Variants in CSMD3 observed in about 807,000 individuals in gnomAD.
The protein encoded by CSMD3 is CUB and sushi domain-containing protein 3.
A neutral mutation model predicts 435.2 loss-of-function variants in CSMD3; 177 were observed. That is an observed-to-expected ratio of 0.41 (90% CI 0.36 to 0.46). CSMD3 has a LOEUF of 0.46. CSMD3 is among the 20% of genes least tolerant of loss of function. The pLI is 0.34. For synonymous variants in CSMD3, 1,656 were observed against 1,520.5 expected (o/e 1.09, Z -2.07); for missense variants, 4,265 against 4,504.6 (o/e 0.95, Z 1.52).
At chr8:113,015,090 T>G (rs777554175) in intron 6 of CSMD3, among the ~76,000 whole-genome samples, 4 of 152,110 alleles carry the variant, frequency 2.6e-5, no homozygotes, top group Non-Finnish European at 4.4e-5. Flanking sequence ...CAGGTATTTA[T>G]GTAAAAACTT....
At chr8:112,440,546 A>C (rs1264746552) in intron 32 of CSMD3, among the ~76,000 whole-genome samples, 2 of 152,182 alleles carry the variant, frequency 1.3e-5, no homozygotes, top group African/African-American at 4.8e-5. Context: ...GTCGGTGCTC[A>C]GATCCCACAA....
At chr8:113,277,289 T>C (rs540998122) in intron 3 of CSMD3, among the ~76,000 whole-genome samples, 42 of 152,098 alleles carry the variant, frequency 2.8e-4, no homozygotes, top group South Asian at 1.0e-3. Flanking sequence ...AAAACAACGA[T>C]TATTACTATC....
intron 3 of CSMD3, among the ~76,000 whole-genome samples, chr8:113,201,517 G>C (rs747228557): frequency 2.2e-4 from 34 of 151,796 alleles, no homozygotes; most frequent in Non-Finnish European, 3.7e-4. Flanking sequence ...TTTTGATAAG[G>C]ATACTATATA....
At position 113,414,483 on chromosome 8, in the gene CSMD3, A is replaced by T. The variant is rs555863935; in HGVS notation, c.178+22194T>A. On this transcript the variant is annotated intron_variant, in intron 1 of 70. Transcript: ENST00000297405. ...TTTTTCTCCTATGCACCCTTATAAC[A>T]TTTTAATGTATTTATTTGAACATTT... 1.4e-4 allele frequency among the ~76,000 whole-genome samples: 22 copies of T among 152,178 alleles called. No homozygotes were observed. In the East Asian group the frequency reaches 4.3e-3, roughly 29 times the overall value.
chr8:112,761,418 T>C (rs1227470785), intron 13 of CSMD3, among the ~76,000 whole-genome samples: 2 of 152,168 alleles, frequency 1.3e-5, no homozygotes, highest in African/African-American at 2.4e-5. Context: ...TTCATTTTAC[T>C]GTCTGATCCA....
intron 1 of CSMD3, among the ~76,000 whole-genome samples, chr8:113,340,668 A>C (rs774798490): frequency 5.8e-4 from 89 of 152,176 alleles, no homozygotes; most frequent in Non-Finnish European, 8.5e-4. Context: ...TGAGGCCAGG[A>C]GTTTGAGACC....
chr8:112,638,671 G>C (rs2131588099), intron 21 of CSMD3, 25 bp downstream of exon 21: 1 of 1,344,018 alleles, frequency 7.4e-7, no homozygotes, highest in Non-Finnish European at 1.1e-6. Context: ...TACTGAATGA[G>C]CCCTTTTGTT....
At chr8:112,456,251 G>A (rs1222454469) in intron 32 of CSMD3, among the ~76,000 whole-genome samples, 1 of 152,002 alleles carries the variant, frequency 6.6e-6, no homozygotes, top group Non-Finnish European at 1.5e-5. Flanking sequence ...TTTTCAAACA[G>A]GAAATCCACA....
At chr8:112,586,454 TATC>T (rs1395513356) in intron 23 of CSMD3, among the ~76,000 whole-genome samples, 1 of 151,500 alleles carries the variant, frequency 6.6e-6, no homozygotes, top group Non-Finnish European at 1.5e-5. Context: ...GCCAAAATGT[TATC>T]TTTTTAGAAA....
At chr8:113,177,740 C>G (rs1030819333) in intron 3 of CSMD3, among the ~76,000 whole-genome samples, 3 of 151,836 alleles carry the variant, frequency 2.0e-5, no homozygotes, top group African/African-American at 7.2e-5. Context: ...CTAGGCATAA[C>G]AAATTATTTA....
intron 13 of CSMD3, among the ~76,000 whole-genome samples, chr8:112,751,432 T>C (rs537266631): frequency 6.6e-6 from 1 of 152,094 alleles, no homozygotes; most frequent in South Asian, 2.1e-4. Context: ...AGGAAGAAAA[T>C]ACTTATAAGA....
At chr8:113,181,545 C>G (rs541931612) in intron 3 of CSMD3, among the ~76,000 whole-genome samples, 4 of 151,902 alleles carry the variant, frequency 2.6e-5, no homozygotes, top group African/African-American at 9.7e-5. Context: ...ATATCTGTGC[C>G]CTTTTATTGG....
At chr8:112,700,887 A>T (rs769306024) in intron 13 of CSMD3, among the ~76,000 whole-genome samples, 1 of 152,126 alleles carries the variant, frequency 6.6e-6, no homozygotes, top group Non-Finnish European at 1.5e-5. Context: ...TGGGAAGGAG[A>T]CCAGTAGATA....
chr8:112,856,309 T>C (rs756094134), intron 11 of CSMD3, among the ~76,000 whole-genome samples: 97 of 151,954 alleles, frequency 6.4e-4, no homozygotes, highest in Non-Finnish European at 8.1e-4. Context: ...AATTGCAATG[T>C]CTGTAAACTG....
chr8:113,078,683 T>C (rs541599362), intron 5 of CSMD3, among the ~76,000 whole-genome samples: 17 of 152,310 alleles, frequency 1.1e-4, no homozygotes, highest in African/African-American at 4.1e-4. Context: ...ATCTTCAGTA[T>C]AAAGTCCATT....
Position 113,011,904 on chromosome 8 carries a change from G to C in CSMD3, c.1030+7163C>G, listed in dbSNP as rs949246296. On this transcript the variant is annotated intron_variant, in intron 6 of 70. Coordinates refer to ENST00000297405, the MANE Select transcript of CSMD3 (RefSeq NM_198123.2). The stretch of plus-strand genomic sequence containing the variant: ...GTAGACATTGTACTAAAAAGAAGAT[G>C]AGTCTCATAGACTGTCAGGTCCATA... 2.2e-4 allele frequency among the ~76,000 whole-genome samples: 34 copies of C among 151,738 alleles called. 2 individuals are homozygous for C. Among genetic ancestry groups the C allele is most frequent in the Admixed American group, 2.0e-3 (31 of 15,164 alleles).
At chr8:113,413,096 C>T (rs1480890199) in intron 1 of CSMD3, among the ~76,000 whole-genome samples, 1 of 152,046 alleles carries the variant, frequency 6.6e-6, no homozygotes, top group East Asian at 1.9e-4. Context: ...ACAAATAGAT[C>T]TTTGGCCAAC....
intron 27 of CSMD3, among the ~76,000 whole-genome samples, chr8:112,518,627 T>TGA (rs202097926): frequency 0.19 from 25,694 of 132,174 alleles, 2,485 homozygotes; most frequent in East Asian, 0.44. Flanking sequence ...TGTGTGTGTG[T>TGA]GTGAGAGAGA....
intron 22 of CSMD3, among the ~76,000 whole-genome samples, chr8:112,617,083 A>T (rs1833717124): frequency 6.6e-6 from 1 of 152,122 alleles, no homozygotes; most frequent in African/African-American, 2.4e-5. Context: ...CTACGTGGAA[A>T]TGTTCAAGGT....
Sources: allele counts gnomAD v4.1 joint callset (sites outside exome capture counted in the v4.1 genomes callset), GRCh38; gene constraint gnomAD v4.1.1; transcripts MANE v1.5; gene names NCBI Gene and HGNC (gene_info 2026-07-23, HGNC 2026-07-21).